The following DPP10 variants were observed in gnomAD, a reference collection of about 807,000 sequenced individuals.
The protein encoded by DPP10 is dipeptidyl peptidase like 10.
Under a neutral mutation model 120.9 loss-of-function variants are expected in DPP10, and 33 were observed. That is an observed-to-expected ratio of 0.27 (90% CI 0.21 to 0.37). The LOEUF is 0.37. Among genes scored for constraint, DPP10 ranks in the 10% least tolerant of loss-of-function variants. The probability of loss-of-function intolerance (pLI) is 1.00; values close to 1 mark genes in which losing one functional copy is unlikely to be tolerated. For missense variants in DPP10, 816 were observed against 942.8 expected (o/e 0.87, Z 1.76); for synonymous variants, 337 against 326.1 (o/e 1.03, Z -0.36).
At chr2:114,802,957 AT>A (rs967520415) in intron 1 of DPP10, among the ~76,000 whole-genome samples, 2 of 152,104 alleles carry the variant, frequency 1.3e-5, no homozygotes, top group Admixed American at 1.3e-4. Context: ...TTTCCCCTGG[AT>A]TTTTTTCAGG....
At chr2:114,480,610 A>G (rs1404038645) in intron 1 of DPP10, among the ~76,000 whole-genome samples, 2 of 151,566 alleles carry the variant, frequency 1.3e-5, no homozygotes, top group African/African-American at 4.8e-5. Flanking sequence ...CGCAAGGACA[A>G]AAAACCAAAC....
chr2:114,859,388 A>C (rs1689634488), intron 1 of DPP10, among the ~76,000 whole-genome samples: 3 of 151,450 alleles, frequency 2.0e-5, no homozygotes, highest in Non-Finnish European at 4.4e-5. Flanking sequence ...AAAAAGAGAA[A>C]GAAAGAAAGA....
intron 3 of DPP10, among the ~76,000 whole-genome samples, chr2:115,353,022 A>G (rs1229748872): frequency 6.6e-6 from 1 of 152,102 alleles, no homozygotes; most frequent in Admixed American, 6.6e-5. Flanking sequence ...AAAAAAAAAT[A>G]TAATTATGGT....
At chr2:115,010,598 A>G (rs1333872867) in intron 1 of DPP10, among the ~76,000 whole-genome samples, 2 of 152,184 alleles carry the variant, frequency 1.3e-5, no homozygotes, top group Non-Finnish European at 2.9e-5. Flanking sequence ...ATCATTCTCC[A>G]TAATTAAAAT....
intron 3 of DPP10, among the ~76,000 whole-genome samples, chr2:115,378,020 T>C (rs2065953535): frequency 6.6e-6 from 1 of 152,074 alleles, no homozygotes; most frequent in Admixed American, 6.5e-5. Context: ...GGCTTAGGAT[T>C]GACTTGGCGA....
intron 3 of DPP10, among the ~76,000 whole-genome samples, chr2:115,484,383 C>T (rs1356546292): frequency 2.6e-5 from 4 of 152,016 alleles, no homozygotes; most frequent in Admixed American, 1.3e-4. Flanking sequence ...CAGAAAATAA[C>T]TTCTTTCTTA....
At position 114,975,203 on chromosome 2, in the gene DPP10, G is replaced by A. The variant is rs1430913885; in HGVS notation, c.61-334036G>A. Among the ~76,000 whole-genome samples, 7 of 151,896 alleles carry A rather than the reference G, an allele frequency of 4.6e-5. 1 individual carries two copies. The highest frequency in any genetic ancestry group is 8.8e-5 in the Non-Finnish European group (6 of 67,984). ...TGGGGCGACAGGCGCATGCCACCAC[G>A]CCCAGCTAATTTTTGTATTTTTAGT... On this transcript the variant is annotated intron_variant, in intron 1 of 25. Coordinates refer to ENST00000410059, the MANE Select transcript of DPP10 (RefSeq NM_020868.6).
intron 1 of DPP10, among the ~76,000 whole-genome samples, chr2:114,736,208 C>T (rs1020616109): frequency 4.6e-5 from 7 of 151,914 alleles, no homozygotes; most frequent in Non-Finnish European, 8.8e-5. Flanking sequence ...TAATGCCATG[C>T]TCCTCCCTCC....
At chr2:115,341,457 A>T (rs1194817047) in intron 2 of DPP10, among the ~76,000 whole-genome samples, 1 of 152,058 alleles carries the variant, frequency 6.6e-6, no homozygotes, top group East Asian at 1.9e-4. Flanking sequence ...CTATATTGAC[A>T]CATCATTGTC....
chr2:114,797,847 G>A (rs750926617), intron 1 of DPP10, among the ~76,000 whole-genome samples: 3 of 152,134 alleles, frequency 2.0e-5, no homozygotes, highest in Admixed American at 6.6e-5. Flanking sequence ...GTGACTCGTT[G>A]TCAAAGAATA....
chr2:115,253,702 A>C (rs575602355), intron 1 of DPP10, among the ~76,000 whole-genome samples: 1 of 152,360 alleles, frequency 6.6e-6, no homozygotes, highest in South Asian at 2.1e-4. Context: ...TCCAAGGCAC[A>C]CTGCTGCAAG....
At chr2:115,317,003 A>G (rs2061827361) in intron 2 of DPP10, among the ~76,000 whole-genome samples, 1 of 152,158 alleles carries the variant, frequency 6.6e-6, no homozygotes, top group Non-Finnish European at 1.5e-5. Context: ...AGGAGGCAGG[A>G]GGATTGCTTG....
intron 1 of DPP10, among the ~76,000 whole-genome samples, chr2:114,531,829 C>T (rs1029195478): frequency 6.6e-5 from 10 of 151,870 alleles, no homozygotes; most frequent in Non-Finnish European, 1.3e-4. Context: ...ACTTTTATGT[C>T]AACATGACTG....
intron 8 of DPP10, among the ~76,000 whole-genome samples, chr2:115,737,054 T>C (rs181000211): frequency 2.6e-5 from 4 of 152,242 alleles, no homozygotes; most frequent in African/African-American, 4.8e-5. Context: ...CTGTTTCTTA[T>C]TGTCTTTCAG....
chr2:114,977,103 C>T (rs962599419), intron 1 of DPP10, among the ~76,000 whole-genome samples: 3 of 151,880 alleles, frequency 2.0e-5, no homozygotes, highest in African/African-American at 7.3e-5. Context: ...ATTCAGTTTG[C>T]TTTGATAATT....
intron 1 of DPP10, among the ~76,000 whole-genome samples, chr2:115,067,750 C>G (rs1358228832): frequency 6.8e-6 from 1 of 147,540 alleles, no homozygotes; most frequent in African/African-American, 2.5e-5. Context: ...GTAGTCCCAG[C>G]TACTCGGGAG....
At chr2:114,862,940 A>G (rs939559375) in intron 1 of DPP10, among the ~76,000 whole-genome samples, 1 of 144,942 alleles carries the variant, frequency 6.9e-6, no homozygotes, top group Admixed American at 6.9e-5. Flanking sequence ...TTATGGATTT[A>G]TTGTGTGGTT....
chr2:114,827,160 G>A (rs1365760985), intron 1 of DPP10, among the ~76,000 whole-genome samples: 1 of 152,090 alleles, frequency 6.6e-6, no homozygotes, highest in Admixed American at 6.6e-5. Context: ...TGCAGATACT[G>A]TTTTGACTCT....
At chr2:115,805,284 A>G (rs1451982998) in intron 19 of DPP10, among the ~76,000 whole-genome samples, 2 of 152,054 alleles carry the variant, frequency 1.3e-5, no homozygotes, top group South Asian at 2.1e-4. Context: ...TTGGAAAAGC[A>G]AAGTATTAGG....
Sources: allele counts gnomAD v4.1 joint callset (sites outside exome capture counted in the v4.1 genomes callset), GRCh38; gene constraint gnomAD v4.1.1; transcripts MANE v1.5; gene names NCBI Gene and HGNC (gene_info 2026-07-23, HGNC 2026-07-21).